MYO3B: variants seen among roughly 807,000 people sequenced by gnomAD.
MYO3B encodes myosin IIIB.
Under a neutral mutation model 174.6 loss-of-function variants are expected in MYO3B, and 156 were observed. The ratio of observed to expected loss-of-function variants is 0.89; its 90% CI spans 0.78 to 1.02. The LOEUF is 1.02. Among genes scored for constraint, MYO3B ranks in the 50% least tolerant of loss-of-function variants. MYO3B has a pLI of 0.00. For synonymous variants in MYO3B, 563 were observed against 569.1 expected (o/e 0.99, Z 0.15); for missense variants, 1,632 against 1,639.4 (o/e 1.00, Z 0.08).
At chr2:170,284,855 G>A (rs572346145) in intron 7 of MYO3B, among the ~76,000 whole-genome samples, 2 of 152,170 alleles carry the variant, frequency 1.3e-5, no homozygotes, top group African/African-American at 4.8e-5. Context: ...AAATTGGTGT[G>A]TATTTTTCTT....
chr2:170,253,794 G>A (rs2093278017), intron 7 of MYO3B, among the ~76,000 whole-genome samples: 1 of 150,946 alleles, frequency 6.6e-6, no homozygotes, highest in African/African-American at 2.4e-5. Flanking sequence ...TGTATCAAAT[G>A]CTCCTGAGTC....
chr2:170,208,239 C>T (rs1451255843), intron 3 of MYO3B, among the ~76,000 whole-genome samples: 2 of 152,120 alleles, frequency 1.3e-5, no homozygotes, highest in East Asian at 1.9e-4. Flanking sequence ...AAATGTGCCT[C>T]GGAGAAGGGG....
intron 32 of MYO3B, among the ~76,000 whole-genome samples, chr2:170,565,171 A>G (rs187167038): frequency 6.6e-6 from 1 of 152,336 alleles, no homozygotes; most frequent in African/African-American, 2.4e-5. Flanking sequence ...TTGAACAAAA[A>G]AGATAGTACA....
rs368918550 is a variant in MYO3B, at chr2:170,476,049, C to T, written c.3014+9338C>T. 2.6e-4 allele frequency among the ~76,000 whole-genome samples: 39 copies of T among 147,324 alleles called. 1 individual carries two copies. The East Asian group carries it at 5.7e-3, about 21-fold the overall frequency. On this transcript the variant is annotated intron_variant, in intron 25 of 34. Coordinates refer to ENST00000408978, the MANE Select transcript of MYO3B (RefSeq NM_138995.5). The stretch of plus-strand genomic sequence containing the variant: ...TTTGATTATCCTACACATTCCTTTC[C>T]TTTTGAAATGGGAGTGTTCCCTGTC...
At chr2:170,525,182 A>G (rs1688924143) in intron 30 of MYO3B, among the ~76,000 whole-genome samples, 1 of 152,214 alleles carries the variant, frequency 6.6e-6, no homozygotes, top group East Asian at 1.9e-4. Context: ...AGGTGCTCCC[A>G]TCTGTGCATG....
intron 7 of MYO3B, among the ~76,000 whole-genome samples, chr2:170,276,642 A>T (rs1407685925): frequency 6.6e-6 from 1 of 152,234 alleles, no homozygotes; most frequent in Non-Finnish European, 1.5e-5. Flanking sequence ...ATGACCATCA[A>T]AAAGGCAGGC....
chr2:170,278,265 G>A (rs1392799700), intron 7 of MYO3B, among the ~76,000 whole-genome samples: 1 of 152,096 alleles, frequency 6.6e-6, no homozygotes, highest in African/African-American at 2.4e-5. Flanking sequence ...GAAATTTTAA[G>A]AATGTCGTAG....
chr2:170,377,814 C>G (rs1484826550), intron 9 of MYO3B, among the ~76,000 whole-genome samples: 1 of 152,214 alleles, frequency 6.6e-6, no homozygotes, highest in Non-Finnish European at 1.5e-5. Flanking sequence ...ACTACAGTGC[C>G]TTACCACATA....
At chr2:170,354,955 G>A (rs1198719208) in intron 8 of MYO3B, among the ~76,000 whole-genome samples, 1 of 151,722 alleles carries the variant, frequency 6.6e-6, no homozygotes, top group Non-Finnish European at 1.5e-5. Flanking sequence ...TGGGGGTGGG[G>A]TGGGGGGTGG....
chr2:170,227,621 A>C (rs2092966446), intron 6 of MYO3B, among the ~76,000 whole-genome samples: 1 of 152,208 alleles, frequency 6.6e-6, no homozygotes, highest in East Asian at 1.9e-4. Context: ...GCTAAACAGA[A>C]TCACTCTCTA....
At chr2:170,395,929 C>T (rs1284765653) in intron 16 of MYO3B, among the ~76,000 whole-genome samples, 2 of 152,168 alleles carry the variant, frequency 1.3e-5, no homozygotes, top group East Asian at 1.9e-4. Context: ...AGCCTCAACT[C>T]TATCAAGAGA....
At chr2:170,612,633 G>A (rs143653936) in intron 32 of MYO3B, among the ~76,000 whole-genome samples, 2 of 152,192 alleles carry the variant, frequency 1.3e-5, no homozygotes, top group Non-Finnish European at 2.9e-5. Context: ...AGTCTGACAC[G>A]CTGACCCACA....
chr2:170,214,064 A>G (rs1443177902), intron 3 of MYO3B, among the ~76,000 whole-genome samples: 1 of 152,226 alleles, frequency 6.6e-6, no homozygotes, highest in Non-Finnish European at 1.5e-5. Context: ...TTTTCTTTCC[A>G]AAAATATTCT....
At chr2:170,537,422 G>A (rs1342904135) in intron 30 of MYO3B, among the ~76,000 whole-genome samples, 2 of 121,494 alleles carry the variant, frequency 1.6e-5, no homozygotes, top group Non-Finnish European at 3.4e-5. Flanking sequence ...ACAAGAAATT[G>A]ACCTTCTCTT....
chr2:170,652,908 C>A, intron 34 of MYO3B, 75 bp from the exon 35 acceptor site: 1 of 1,557,960 alleles, frequency 6.4e-7, no homozygotes. Context: ...ACTCACATGA[C>A]TTTAGCTGCC....
chr2:170,384,903 A>G (rs1362519605), intron 12 of MYO3B, among the ~76,000 whole-genome samples: 2 of 152,206 alleles, frequency 1.3e-5, no homozygotes, highest in African/African-American at 4.8e-5. Flanking sequence ...CCCACTTTAG[A>G]TGCCAGCTGC....
chr2:170,588,406 T>C (rs1461493843), intron 32 of MYO3B, among the ~76,000 whole-genome samples: 1 of 152,138 alleles, frequency 6.6e-6, no homozygotes. Context: ...GCCATTGCAC[T>C]CCAGCCTGGG....
At chr2:170,539,715 G>A (rs2106195311) in intron 30 of MYO3B, among the ~76,000 whole-genome samples, 1 of 152,086 alleles carries the variant, frequency 6.6e-6, no homozygotes, top group African/African-American at 2.4e-5. Flanking sequence ...GACCTCCAGG[G>A]CTCAGGTAAT....
chr2:170,624,879 C>T (rs1182131481), intron 32 of MYO3B, among the ~76,000 whole-genome samples: 1 of 152,128 alleles, frequency 6.6e-6, no homozygotes, highest in Non-Finnish European at 1.5e-5. Flanking sequence ...TATTGATTTT[C>T]ATATGTTGAA....
Sources: gnomAD v4.1 joint callset for allele counts (sites outside exome capture counted in the v4.1 genomes callset) on GRCh38, gnomAD v4.1.1 for gene constraint, MANE v1.5 for transcripts, NCBI Gene and HGNC (gene_info 2026-07-23, HGNC 2026-07-21) for gene names.